The following ADRA1B variants were observed in gnomAD, a reference collection of about 807,000 sequenced individuals.
ADRA1B encodes the protein adrenoceptor alpha 1B, also known as alpha-1B adrenergic receptor.
Under a neutral mutation model 17.9 loss-of-function variants are expected in ADRA1B, and 17 were observed. That is an observed-to-expected ratio of 0.95 (90% CI 0.65 to 1.42). The LOEUF (loss-of-function observed/expected upper bound fraction) is 1.42. Among genes scored for constraint, ADRA1B ranks in the 40% most tolerant of loss-of-function variants. The pLI, the probability that ADRA1B is intolerant of heterozygous loss-of-function variation, is 0.00. For synonymous variants in ADRA1B, 366 were observed against 327.6 expected (o/e 1.12, Z -1.27); for missense variants, 681 against 722.1 (o/e 0.94, Z 0.65).
At chr5:159,871,478 G>A (rs757677332) in intron 1 of ADRA1B, 1 of 152,190 alleles carries the variant, frequency 6.6e-6, no homozygotes, top group African/African-American at 2.4e-5. Context: ...CTCTACAAGA[G>A]ATTCCATCCT....
intron 1 of ADRA1B, among the ~76,000 whole-genome samples, chr5:159,935,912 G>A (rs1754943335): frequency 6.6e-6 from 1 of 152,168 alleles, no homozygotes; most frequent in South Asian, 2.1e-4. Flanking sequence ...TGAGGCTCTG[G>A]ATTGTCAGTC....
intron 1 of ADRA1B, among the ~76,000 whole-genome samples, chr5:159,951,945 C>G (rs1755449900): frequency 6.6e-6 from 1 of 152,172 alleles, no homozygotes; most frequent in African/African-American, 2.4e-5. Context: ...CCTCCACCTT[C>G]TTGGAGGCCC....
intron 1 of ADRA1B, among the ~76,000 whole-genome samples, chr5:159,939,581 T>C (rs566788617): frequency 6.6e-6 from 1 of 152,166 alleles, no homozygotes; most frequent in Non-Finnish European, 1.5e-5. Flanking sequence ...TGTCCCTCAC[T>C]AGCTGTGCAA....
At chr5:159,982,891 C>A in the ADRA1B span, among the ~76,000 whole-genome samples, 1 of 152,160 alleles carries the variant, frequency 6.6e-6, no homozygotes, top group African/African-American at 2.4e-5. Context: ...AAAATATTAT[C>A]CAGTCACTCA....
Position 159,972,647 on chromosome 5 carries a change from T to A in ADRA1B, c.*155T>A. ...CCGGGGAGAGGGGCAGCTGCTTTTC[T>A]GGCAGGGGCATGGGTGCCAGGTACC... On this transcript the variant is annotated 3_prime_UTR_variant, in exon 2 of 2. Coordinates refer to ENST00000306675, the MANE Select transcript of ADRA1B (RefSeq NM_000679.4). 1.1e-6 allele frequency: 1 copy of A among 907,870 alleles called. No homozygotes were observed. Among genetic ancestry groups the A allele is most frequent in the Non-Finnish European group, 1.5e-6 (1 of 655,216 alleles). 56.2% of individuals were successfully genotyped at this position (907,870 alleles called of 1,614,324 possible).
At chr5:159,932,081 A>T (rs1256073300) in intron 1 of ADRA1B, among the ~76,000 whole-genome samples, 1 of 152,180 alleles carries the variant, frequency 6.6e-6, no homozygotes, top group Non-Finnish European at 1.5e-5. Context: ...ACTGATCAGC[A>T]AGTCATCCTG....
At chr5:159,984,093 C>T in the ADRA1B span, among the ~76,000 whole-genome samples, 2 of 152,038 alleles carry the variant, frequency 1.3e-5, no homozygotes, top group African/African-American at 2.4e-5. Flanking sequence ...CTTCCAACCT[C>T]GCTGACCACT....
At chr5:159,913,864 C>T (rs115037179), upstream of ADRA1B, among the ~76,000 whole-genome samples, 28 of 152,228 alleles carry the variant, frequency 1.8e-4, no homozygotes, top group African/African-American at 6.3e-4. Flanking sequence ...TTGGAACTTG[C>T]TCTTTATTTT....
chr5:159,896,517 G>C (rs1164165552), intron 1 of ADRA1B, among the ~76,000 whole-genome samples: 1 of 152,208 alleles, frequency 6.6e-6, no homozygotes, highest in African/African-American at 2.4e-5. Context: ...TGAGTCAAAT[G>C]AAAGGTGTGT....
chr5:159,880,581 C>T (rs1753851958), intron 1 of ADRA1B, among the ~76,000 whole-genome samples: 1 of 152,202 alleles, frequency 6.6e-6, no homozygotes, highest in African/African-American at 2.4e-5. Context: ...ACTGGTCATT[C>T]AGCCCCGTGG....
the ADRA1B span, among the ~76,000 whole-genome samples, chr5:159,986,440 C>T: frequency 6.6e-6 from 1 of 152,180 alleles, no homozygotes; most frequent in Non-Finnish European, 1.5e-5. Flanking sequence ...TAATTTGCAC[C>T]CTCTGACTTG....
downstream of ADRA1B, among the ~76,000 whole-genome samples, chr5:159,975,873 T>C (rs1054681028): frequency 6.6e-6 from 1 of 152,130 alleles, no homozygotes; most frequent in Non-Finnish European, 1.5e-5. Context: ...CTATTTCCTC[T>C]CCAGCCACCC....
At chr5:159,962,487 C>G (rs1352045055) in intron 1 of ADRA1B, among the ~76,000 whole-genome samples, 1 of 152,090 alleles carries the variant, frequency 6.6e-6, no homozygotes, top group East Asian at 1.9e-4. Flanking sequence ...TTAAACCTGT[C>G]TCTCACCTGT....
chr5:159,985,606 T>C, the ADRA1B span, among the ~76,000 whole-genome samples: 1 of 152,238 alleles, frequency 6.6e-6, no homozygotes, highest in Non-Finnish European at 1.5e-5. Context: ...CTGATGGGAA[T>C]ATGTACACCA....
chr5:159,908,804 G>C (rs1367924468), intron 1 of ADRA1B, among the ~76,000 whole-genome samples: 1 of 152,108 alleles, frequency 6.6e-6, no homozygotes, highest in Non-Finnish European at 1.5e-5. Context: ...ATTCAAATGG[G>C]GCCAAAGAAA....
chr5:159,886,727 A>T (rs1430716579), intron 1 of ADRA1B, among the ~76,000 whole-genome samples: 2 of 152,122 alleles, frequency 1.3e-5, no homozygotes, highest in African/African-American at 2.4e-5. Flanking sequence ...CCACTCTTAC[A>T]TTGCGGAGTG....
chr5:159,894,983 CAT>C, intron 1 of ADRA1B, among the ~76,000 whole-genome samples: 1 of 152,286 alleles, frequency 6.6e-6, no homozygotes, highest in South Asian at 2.1e-4. Flanking sequence ...TAAATCAAAT[CAT>C]GTTTTAATGT....
At chr5:159,875,578 C>T (rs1342669381) in intron 1 of ADRA1B, among the ~76,000 whole-genome samples, 1 of 152,118 alleles carries the variant, frequency 6.6e-6, no homozygotes, top group Admixed American at 6.5e-5. Flanking sequence ...TCCAGTTTTC[C>T]AGTTTCTCCT....
chr5:159,950,984 C>T (rs1423889639), intron 1 of ADRA1B: 4 of 626,856 alleles, frequency 6.4e-6, no homozygotes, highest in South Asian at 4.5e-5. Context: ...ATTCTGGAAT[C>T]TTTCCACAAT....
Sources: allele counts gnomAD v4.1 joint callset (sites outside exome capture counted in the v4.1 genomes callset), GRCh38; gene constraint gnomAD v4.1.1; transcripts MANE v1.5; gene names NCBI Gene and HGNC (gene_info 2026-07-23, HGNC 2026-07-21).